AK4: variants seen among roughly 807,000 people sequenced by gnomAD.
The protein encoded by AK4 is adenylate kinase 4.
AK4 carries 13 observed loss-of-function variants against 24.6 expected under a neutral mutation model. The ratio of observed to expected loss-of-function variants is 0.53; its 90% confidence interval spans 0.34 to 0.84. AK4 has a LOEUF of 0.84. Ranked by LOEUF, AK4 falls within the 40% of genes least tolerant of loss-of-function variation. The probability of loss-of-function intolerance (pLI) is 0.01; values close to 1 mark genes in which losing one functional copy is unlikely to be tolerated. For synonymous variants in AK4, 88 were observed against 107.0 expected (o/e 0.82, Z 1.10); for missense variants, 192 against 288.2 (o/e 0.67, Z 2.42).
In AK4 at chr1:65,190,838, A is replaced by G; in HGVS notation, c.265+9A>G. 1 of 1,612,944 alleles carries G rather than the reference A, an allele frequency of 6.2e-7. No individual in the cohort carries two copies. The highest frequency in any genetic ancestry group is 8.5e-7 in the Non-Finnish European group (1 of 1,179,700). ...GCACTGGCTCCTTGATGGTGAGTTG[A>G]AACTGTGGGTAAACCGAATTTCTGG... is the stretch of plus-strand genomic sequence containing the variant. On this transcript the variant is annotated intron_variant, in intron 2 of 4. Transcript: ENST00000327299.
rs1381952254 is a variant in AK4, at chr1:65,229,660, A to G, written c.*3483A>G. On this transcript the variant is annotated 3_prime_UTR_variant, in exon 5 of 5. Transcript: ENST00000327299. ...AGTTTTCCTGCATAAGACCTCCTTT[A>G]TGAATAGAATAAAAGACTGTCAAAG... 2 of 152,200 alleles carry G rather than the reference A, an allele frequency of 1.3e-5. No homozygotes were observed. The highest frequency in any genetic ancestry group is 2.9e-5 in the Non-Finnish European group (2 of 68,024). 9.4% of individuals were successfully genotyped at this position (152,200 alleles called of 1,614,324 possible). A position where few individuals can be genotyped will look rare whatever the true frequency, so the allele number is the denominator to read the frequency against.
At position 65,179,337 on chromosome 1, in the gene AK4, A is replaced by G. The variant is rs1650822949; in HGVS notation, c.146-11373A>G. On this transcript the variant is annotated intron_variant, in intron 1 of 4. Coordinates refer to ENST00000327299, the MANE Select transcript of AK4 (RefSeq NM_013410.4). Reference sequence around the variant, plus strand: ...TCTGTTCAAGAAAATGCTCACAAACATTGAGAGGCAGTGTGTAGTGGTTAA... The same window carrying G: ...TCTGTTCAAGAAAATGCTCACAAACGTTGAGAGGCAGTGTGTAGTGGTTAA... Among the ~76,000 whole-genome samples, 4 of 152,172 alleles carry G rather than the reference A, an allele frequency of 2.6e-5. No homozygotes were observed. The South Asian group carries it at 6.2e-4, about 24-fold the overall frequency.
intron 1 of AK4, among the ~76,000 whole-genome samples, chr1:65,170,009 C>T (rs1355460356): frequency 1.3e-5 from 2 of 152,046 alleles, no homozygotes; most frequent in African/African-American, 4.8e-5. Context: ...TTTAGTGCCT[C>T]ATGGAAAGTC....
intron 1 of AK4, among the ~76,000 whole-genome samples, chr1:65,170,954 C>CTT (rs36098576): frequency 1.2e-4 from 13 of 109,026 alleles, no homozygotes; most frequent in African/African-American, 1.7e-4. Context: ...TGTCTTCTTC[C>CTT]TTTTTTTTTT....
At chr1:65,161,426 G>A (rs1284390274) in intron 1 of AK4, among the ~76,000 whole-genome samples, 2 of 152,134 alleles carry the variant, frequency 1.3e-5, no homozygotes, top group African/African-American at 2.4e-5. Context: ...CATGCATGCA[G>A]GTAGAGCATG....
At chr1:65,171,122 AT>A (rs59764198) in intron 1 of AK4, among the ~76,000 whole-genome samples, 564 of 122,926 alleles carry the variant, frequency 4.6e-3, no homozygotes, top group African/African-American at 0.01. Context: ...TGCTTGGCTA[AT>A]TTTTTTTTTT....
intron 2 of AK4, among the ~76,000 whole-genome samples, chr1:65,205,041 A>G (rs949302363): frequency 2.6e-5 from 4 of 152,192 alleles, no homozygotes; most frequent in African/African-American, 9.7e-5. Flanking sequence ...TTCATTCAAC[A>G]CTGGGTTGAC....
chr1:65,170,081 CTA>C (rs112391028), intron 1 of AK4, among the ~76,000 whole-genome samples: 26 of 152,236 alleles, frequency 1.7e-4, no homozygotes, highest in African/African-American at 6.0e-4. Context: ...AATCTCATAA[CTA>C]AGATCAGTTT....
At chr1:65,171,828 G>A (rs1197333673) in intron 1 of AK4, among the ~76,000 whole-genome samples, 1 of 151,672 alleles carries the variant, frequency 6.6e-6, no homozygotes, top group Non-Finnish European at 1.5e-5. Context: ...AGCACTTTGG[G>A]AGGCTGAAGT....
chr1:65,219,624 T>A (rs1478409301), intron 3 of AK4, among the ~76,000 whole-genome samples: 1 of 152,216 alleles, frequency 6.6e-6, no homozygotes, highest in African/African-American at 2.4e-5. Context: ...AGATAAGCTT[T>A]AGGTTTACAT....
chr1:65,207,376 G>T (rs971150676), intron 2 of AK4, among the ~76,000 whole-genome samples: 3 of 151,930 alleles, frequency 2.0e-5, no homozygotes, highest in Admixed American at 1.3e-4. Context: ...CTTCCTGAGG[G>T]CAGGACCCAC....
intron 2 of AK4, among the ~76,000 whole-genome samples, chr1:65,202,239 T>C (rs191685280): frequency 2.7e-4 from 41 of 151,820 alleles, no homozygotes; most frequent in African/African-American, 9.9e-4. Context: ...CTACTAAAAA[T>C]ACGAAAAATT....
chr1:65,227,015 G>GAAAA lies in AK4; in HGVS notation c.*849_*852dup, dbSNP rs58971149. On this transcript the variant is annotated 3_prime_UTR_variant, in exon 5 of 5. Coordinates refer to ENST00000327299, the MANE Select transcript of AK4 (RefSeq NM_013410.4). The stretch of plus-strand genomic sequence containing the variant: ...TGACACTGTTCCTTTCTTTTATTGT[G>GAAAA]AAAAAAAAAAAAAACCCTGAAAGTC... The GAAAA allele has an allele frequency of 1.4e-4, 15 of 109,038 alleles. No homozygotes were observed. The East Asian group carries it at 3.2e-3, about 23-fold the overall frequency. 6.8% of individuals were successfully genotyped at this position (109,038 alleles called of 1,614,324 possible).
chr1:65,183,830 A>T (rs550234898), intron 1 of AK4, among the ~76,000 whole-genome samples: 1 of 152,268 alleles, frequency 6.6e-6, no homozygotes, highest in South Asian at 2.1e-4. Flanking sequence ...CTCCTTCAGC[A>T]GTTGACAGTG....
chr1:65,232,019 C>T lies in AK4; in HGVS notation c.*5842C>T, dbSNP rs1339977640. On this transcript the variant is annotated 3_prime_UTR_variant, in exon 5 of 5. Coordinates refer to ENST00000327299, the MANE Select transcript of AK4 (RefSeq NM_013410.4). Reference sequence around the variant, plus strand: ...TATGTGCTTCCAAGTATCTAAACCTCCAGTCTGATCTGTATATGCTATCCT... The same window carrying T: ...TATGTGCTTCCAAGTATCTAAACCTTCAGTCTGATCTGTATATGCTATCCT... 1 of 152,132 alleles carries T rather than the reference C, an allele frequency of 6.6e-6. No homozygotes were observed. Among genetic ancestry groups the T allele is most frequent in the African/African-American group, 2.4e-5 (1 of 41,416 alleles). The allele number at this position is 152,132 out of a possible 1,614,324, so 9.4% of individuals were successfully genotyped here. A position where few individuals can be genotyped will look rare whatever the true frequency, so the allele number is the denominator to read the frequency against.
At chr1:65,174,174 C>T (rs1407487109) in intron 1 of AK4, among the ~76,000 whole-genome samples, 2 of 152,114 alleles carry the variant, frequency 1.3e-5, no homozygotes, top group East Asian at 1.9e-4. Context: ...CCTCAACCCC[C>T]CAAATAAACC....
chr1:65,152,282 G>C (rs1484165096), intron 1 of AK4, among the ~76,000 whole-genome samples: 3 of 123,430 alleles, frequency 2.4e-5, no homozygotes, highest in African/African-American at 6.0e-5. Context: ...TGAGATAAAA[G>C]ATGTTAAGGA....
chr1:65,222,827 C>T (rs1438935501), intron 3 of AK4, among the ~76,000 whole-genome samples: 1 of 152,104 alleles, frequency 6.6e-6, no homozygotes, highest in East Asian at 1.9e-4. Flanking sequence ...TTGCCTGTGC[C>T]TCTCAGTTCT....
At chr1:65,202,889 T>TTTC (rs781312203) in intron 2 of AK4, among the ~76,000 whole-genome samples, 1 of 133,166 alleles carries the variant, frequency 7.5e-6, no homozygotes, top group Non-Finnish European at 1.6e-5. Context: ...TTTTTTTTTT[T>TTTC]AAGATGGGGT....
Sources: allele counts gnomAD v4.1 joint callset (sites outside exome capture counted in the v4.1 genomes callset), GRCh38; gene constraint gnomAD v4.1.1; transcripts MANE v1.5; gene names NCBI Gene and HGNC (gene_info 2026-07-23, HGNC 2026-07-21).